CCDC7: variants seen among roughly 807,000 people sequenced by gnomAD.
CCDC7 encodes coiled-coil domain containing 7.
A neutral mutation model predicts 196.9 loss-of-function variants in CCDC7; 183 were observed. The observed-to-expected ratio is 0.93, with a 90% confidence interval of 0.82 to 1.05. CCDC7 has a LOEUF of 1.05. Ranked by LOEUF, CCDC7 falls within the 50% of genes least tolerant of loss-of-function variation. CCDC7 has a pLI of 0.00. For synonymous variants in CCDC7, 525 were observed against 484.6 expected, an observed-to-expected ratio of 1.08 and a Z score of -1.10; for missense variants, 1,540 against 1,482.2, an observed-to-expected ratio of 1.04 and a Z score of -0.64.
intron 13 of CCDC7, among the ~76,000 whole-genome samples, chr10:32,564,472 T>A (rs1290071726): frequency 2.0e-5 from 3 of 152,126 alleles, no homozygotes; most frequent in Non-Finnish European, 4.4e-5. Context: ...TATGCAGTCA[T>A]AAAAAATGAT....
intron 16 of CCDC7, 59 bp downstream of exon 17, chr10:32,571,952 C>T: frequency 7.0e-7 from 1 of 1,421,778 alleles, no homozygotes; most frequent in Non-Finnish European, 9.3e-7. Flanking sequence ...GTTCACATAC[C>T]TAAGCAATGA....
Position 32,778,957 on chromosome 10 carries a change from A to G in CCDC7, c.2906-20A>G, listed in dbSNP as rs1453176810. The G allele has an allele frequency of 6.6e-7, 1 of 1,523,456 alleles. No individual in the cohort carries two copies. Among genetic ancestry groups the G allele is most frequent in the African/African-American group, 1.4e-5 (1 of 72,202 alleles). The allele number at this position is 1,523,456 out of a possible 1,614,324, so 94.4% of individuals were successfully genotyped here. On this transcript the variant is annotated intron_variant, in intron 28 of 41. Transcript: ENST00000639629. ...TTAGTTTTTTAAATCAACTACTTTG[A>G]CAATCTGTTATTCTTACAGTTAAAA...
At chr10:32,710,106 C>T (rs1331493153) in intron 24 of CCDC7, among the ~76,000 whole-genome samples, 1 of 152,164 alleles carries the variant, frequency 6.6e-6, no homozygotes, top group Non-Finnish European at 1.5e-5. Context: ...TGAGCAAAAC[C>T]TATTCTGTCA....
chr10:32,758,381 A>G (rs1157883832), intron 28 of CCDC7, among the ~76,000 whole-genome samples: 1 of 152,220 alleles, frequency 6.6e-6, no homozygotes, highest in East Asian at 1.9e-4. Flanking sequence ...ATCCAGCAGC[A>G]CATCAAAAAC....
chr10:32,499,457 G>C (rs1041445762), intron 9 of CCDC7: 1 of 152,012 alleles, frequency 6.6e-6, no homozygotes, highest in Non-Finnish European at 1.5e-5. Context: ...ATCATTGTTT[G>C]GTTAATTTAT....
At chr10:32,846,799 A>G (rs959292886) in intron 37 of CCDC7, among the ~76,000 whole-genome samples, 6 of 152,208 alleles carry the variant, frequency 3.9e-5, no homozygotes, top group Admixed American at 6.6e-5. Flanking sequence ...AAAAGCACAA[A>G]GGCTAGCTGA....
intron 28 of CCDC7, among the ~76,000 whole-genome samples, chr10:32,735,773 G>T (rs544307954): frequency 2.2e-4 from 33 of 152,112 alleles, no homozygotes; most frequent in Middle Eastern, 3.4e-3. Flanking sequence ...TTGTTCCTTT[G>T]TGTCTTCTAG....
At chr10:32,812,345 CT>C (rs2087347769) in intron 30 of CCDC7, among the ~76,000 whole-genome samples, 1 of 151,834 alleles carries the variant, frequency 6.6e-6, no homozygotes, top group South Asian at 2.1e-4. Context: ...TATTTTCTTT[CT>C]TGCCTCAGCT....
chr10:32,482,299 GAATAGTGAACATTGTATCC>G (rs1205236852), intron 8 of CCDC7, among the ~76,000 whole-genome samples: 1 of 151,798 alleles, frequency 6.6e-6, no homozygotes, highest in East Asian at 1.9e-4. Flanking sequence ...CCCATCACCT[GAATAGTGAACATTGTATCC>G]AATAGGTAAT....
chr10:32,696,993 G>A (rs1037729833), intron 24 of CCDC7, among the ~76,000 whole-genome samples: 13 of 152,196 alleles, frequency 8.5e-5, no homozygotes, highest in African/African-American at 3.1e-4. Context: ...GGTGGGGGAT[G>A]GTTTTGGGAT....
chr10:32,699,461 C>T (rs112296152), intron 24 of CCDC7, among the ~76,000 whole-genome samples: 11,519 of 150,526 alleles, frequency 0.077, 565 homozygotes, highest in East Asian at 0.16. Flanking sequence ...CATTGTTGGA[C>T]ATCTGGGTTG....
chr10:32,795,485 T>C (rs1262752423), intron 29 of CCDC7, among the ~76,000 whole-genome samples: 1 of 152,222 alleles, frequency 6.6e-6, no homozygotes, highest in Non-Finnish European at 1.5e-5. Flanking sequence ...TGTAATCTTG[T>C]AGACTACTGA....
intron 24 of CCDC7, among the ~76,000 whole-genome samples, chr10:32,699,881 G>A (rs1172960085): frequency 6.7e-6 from 1 of 149,384 alleles, no homozygotes; most frequent in Non-Finnish European, 1.5e-5. Flanking sequence ...CATATCCTAT[G>A]CCCACTTGTT....
At chr10:32,472,782 A>G (rs1336343424) in intron 7 of CCDC7, among the ~76,000 whole-genome samples, 1 of 150,740 alleles carries the variant, frequency 6.6e-6, no homozygotes, top group Admixed American at 6.6e-5. Context: ...TTTTGTACAG[A>G]TGGAGGTCTC....
chr10:32,652,424 T>C (rs1490467321), intron 20 of CCDC7, among the ~76,000 whole-genome samples: 1 of 152,190 alleles, frequency 6.6e-6, no homozygotes, highest in Non-Finnish European at 1.5e-5. Context: ...TTATTATGCA[T>C]AATTAAGGTC....
intron 21 of CCDC7, among the ~76,000 whole-genome samples, chr10:32,684,091 G>C (rs929284862): frequency 6.7e-6 from 1 of 149,762 alleles, no homozygotes; most frequent in Non-Finnish European, 1.5e-5. Context: ...TGATCAGGTT[G>C]GGGGGTGGGG....
intron 20 of CCDC7, among the ~76,000 whole-genome samples, chr10:32,640,115 C>T (rs997492193): frequency 3.3e-5 from 5 of 152,034 alleles, no homozygotes; most frequent in Non-Finnish European, 5.9e-5. Flanking sequence ...TCTGTCTCGT[C>T]GATCTGTCTA....
Position 32,585,780 on chromosome 10 carries a change from G to T in CCDC7, c.1801+1476G>T, listed in dbSNP as rs143002661. On this transcript the variant is annotated intron_variant, in intron 18 of 41. Coordinates refer to ENST00000639629, the Ensembl canonical transcript of CCDC7. ...TTCTTTATCCAGTCTATCATTGATGGGCATTTGGGTTGGTTCCAAGCCTTT... is the reference window on the plus strand; with the variant it reads ...TTCTTTATCCAGTCTATCATTGATGTGCATTTGGGTTGGTTCCAAGCCTTT... Among the ~76,000 whole-genome samples the T allele has an allele frequency of 8.8e-3, 1,336 of 152,210 alleles. 15 individuals are homozygous for T. The highest frequency in any genetic ancestry group is 0.029 in the African/African-American group (1,218 of 41,514).
At chr10:32,488,803 T>C (rs1316471266) in intron 8 of CCDC7, among the ~76,000 whole-genome samples, 1 of 152,246 alleles carries the variant, frequency 6.6e-6, no homozygotes, top group African/African-American at 2.4e-5. Context: ...CGTCAGATAT[T>C]GATAGAGTCA....
Sources: allele counts gnomAD v4.1 joint callset (sites outside exome capture counted in the v4.1 genomes callset), GRCh38; gene constraint gnomAD v4.1.1; transcripts MANE v1.5; gene names NCBI Gene and HGNC (gene_info 2026-07-23, HGNC 2026-07-21).